BANK1: variants seen among roughly 807,000 people sequenced by gnomAD.
BANK1 encodes the protein B cell scaffold protein with ankyrin repeats 1.
BANK1 carries 95 observed loss-of-function variants against 94.5 expected under a neutral mutation model. That is an observed-to-expected ratio of 1.00 (90% CI 0.85 to 1.19). The LOEUF is 1.19. Among genes scored for constraint, BANK1 ranks in the 50% most tolerant of loss-of-function variants. The pLI is 0.00. For synonymous variants in BANK1, 334 were observed against 308.4 expected (o/e 1.08, Z -0.87); for missense variants, 987 against 932.2 (o/e 1.06, Z -0.77).
intron 1 of BANK1, among the ~76,000 whole-genome samples, chr4:101,810,995 G>A (rs754466254): frequency 6.6e-5 from 10 of 152,076 alleles, no homozygotes; most frequent in Non-Finnish European, 1.2e-4. Context: ...TTATCTCTAC[G>A]AATGAGGGAT....
intron 7 of BANK1, among the ~76,000 whole-genome samples, chr4:101,968,255 T>C (rs779821660): frequency 6.6e-6 from 1 of 152,052 alleles, no homozygotes; most frequent in African/African-American, 2.4e-5. Flanking sequence ...GAATGTTATA[T>C]GACAAATGTT....
intron 7 of BANK1, among the ~76,000 whole-genome samples, chr4:101,938,637 A>G (rs933538795): frequency 3.3e-5 from 5 of 151,650 alleles, no homozygotes; most frequent in African/African-American, 9.7e-5. Flanking sequence ...AAAAAACATA[A>G]CAACACATAT....
chr4:101,945,303 C>T (rs1723891794), intron 7 of BANK1, among the ~76,000 whole-genome samples: 1 of 151,784 alleles, frequency 6.6e-6, no homozygotes, highest in Non-Finnish European at 1.5e-5. Flanking sequence ...TTTTCCTTAT[C>T]ATTGCTCAGG....
Position 101,855,136 on chromosome 4 carries a change from T to G in BANK1, c.571T>G (p.Ser191Ala). 6.2e-7 allele frequency: 1 copy of G among 1,613,798 alleles called. No homozygotes were observed. The highest frequency in any genetic ancestry group is 8.5e-7 in the Non-Finnish European group (1 of 1,179,734). ...RKEIEELSEA[S>A]RNTIPLAVVL... ...GGAAATTGAAGAACTATCAGAAGCTTCAAGAAACACCATACCACTAGCAGT... is the reference window on the plus strand; with the variant it reads ...GGAAATTGAAGAACTATCAGAAGCTGCAAGAAACACCATACCACTAGCAGT... The change falls in exon 3 of 17, where the codon TCA becomes GCA. Residue 191 changes from serine to alanine, a missense_variant. Transcript: ENST00000322953.
intron 7 of BANK1, among the ~76,000 whole-genome samples, chr4:102,017,543 A>G (rs1366263015): frequency 6.6e-6 from 1 of 152,214 alleles, no homozygotes; most frequent in Admixed American, 6.5e-5. Flanking sequence ...AGCACAGGTC[A>G]GAATGAGAGA....
At chr4:101,850,110 T>C (rs1270260733) in intron 2 of BANK1, among the ~76,000 whole-genome samples, 2 of 152,182 alleles carry the variant, frequency 1.3e-5, no homozygotes, top group Admixed American at 1.3e-4. Context: ...TTTTTAAGGG[T>C]GTGTTCAGAA....
intron 1 of BANK1, among the ~76,000 whole-genome samples, chr4:101,826,332 G>T (rs58798528): frequency 2.6e-4 from 39 of 152,058 alleles, no homozygotes; most frequent in African/African-American, 8.7e-4. Flanking sequence ...CAGACTGCCC[G>T]CATTGGAGTC....
At chr4:101,814,014 T>A in intron 1 of BANK1, 1 of 544,932 alleles carries the variant, frequency 1.8e-6, no homozygotes, top group Non-Finnish European at 2.3e-6. Context: ...AATTTTGAGA[T>A]GATATTTCTT....
rs28496810 is a variant in BANK1, at chr4:101,910,070, C to G, written c.1010-7923C>G. Among the ~76,000 whole-genome samples the G allele has an allele frequency of 7.6e-4, 116 of 152,154 alleles. 1 individual carries two copies. The highest frequency in any genetic ancestry group is 2.7e-3 in the African/African-American group (112 of 41,504). On this transcript the variant is annotated intron_variant, in intron 6 of 16. Coordinates refer to ENST00000322953, the MANE Select transcript of BANK1 (RefSeq NM_017935.5). ...TTTTTTTTAGTTGTTAGAACCAAGC[C>G]CCTGTTCTTTCTTTTATTTAATGCC...
intron 5 of BANK1, among the ~76,000 whole-genome samples, chr4:101,893,349 C>T (rs1426041595): frequency 3.3e-5 from 5 of 151,870 alleles, no homozygotes; most frequent in Non-Finnish European, 7.4e-5. Flanking sequence ...CTAACTTATA[C>T]GTGAGTGTAA....
At chr4:101,931,768 C>T (rs1025892393) in intron 7 of BANK1, among the ~76,000 whole-genome samples, 5 of 151,280 alleles carry the variant, frequency 3.3e-5, no homozygotes, top group South Asian at 2.1e-4. Context: ...TTAATCATAT[C>T]GTGTTACAGT....
At chr4:101,968,455 C>T (rs975655304) in intron 7 of BANK1, among the ~76,000 whole-genome samples, 71 of 152,066 alleles carry the variant, frequency 4.7e-4, no homozygotes, top group African/African-American at 1.7e-3. Flanking sequence ...TTTGGGTCTA[C>T]ATAGAAAAAT....
At chr4:101,829,712 T>C (rs750631050) in intron 1 of BANK1, 96 bp from the exon 2 acceptor site, 81 of 682,444 alleles carry the variant, frequency 1.2e-4, no homozygotes, top group Non-Finnish European at 1.7e-4. Flanking sequence ...AGCAAATTAA[T>C]ATATTGCCTA....
chr4:101,807,671 T>C (rs1452059939), intron 1 of BANK1, among the ~76,000 whole-genome samples: 1 of 152,200 alleles, frequency 6.6e-6, no homozygotes, highest in Non-Finnish European at 1.5e-5. Context: ...TCTTCCTTAA[T>C]TCTCACACTG....
chr4:101,894,669 A>G (rs568440511), intron 5 of BANK1, among the ~76,000 whole-genome samples: 10 of 152,156 alleles, frequency 6.6e-5, no homozygotes, highest in African/African-American at 2.4e-4. Context: ...AGCATGACAT[A>G]AGACAACTTG....
intron 4 of BANK1, among the ~76,000 whole-genome samples, chr4:101,869,447 A>G (rs1728198944): frequency 6.6e-6 from 1 of 151,834 alleles, no homozygotes; most frequent in South Asian, 2.1e-4. Context: ...TTCTACATGC[A>G]TCTTCTTTGT....
At chr4:101,928,017 G>T (rs1190974331) in intron 7 of BANK1, among the ~76,000 whole-genome samples, 3 of 151,640 alleles carry the variant, frequency 2.0e-5, no homozygotes, top group African/African-American at 7.3e-5. Context: ...AGATAGGACA[G>T]ATAATCAAAT....
intron 4 of BANK1, among the ~76,000 whole-genome samples, chr4:101,869,134 A>G (rs938268178): frequency 6.6e-6 from 1 of 151,812 alleles, no homozygotes; most frequent in African/African-American, 2.4e-5. Flanking sequence ...TTCATTACCG[A>G]TTTTCTTTCA....
chr4:101,986,315 C>T (rs1725480503), intron 7 of BANK1, among the ~76,000 whole-genome samples: 1 of 152,038 alleles, frequency 6.6e-6, no homozygotes, highest in Non-Finnish European at 1.5e-5. Flanking sequence ...TTCTTAATTA[C>T]ATTCCTGCTA....
Sources: allele counts gnomAD v4.1 joint callset (sites outside exome capture counted in the v4.1 genomes callset), GRCh38; gene constraint gnomAD v4.1.1; transcripts MANE v1.5; gene names NCBI Gene and HGNC (gene_info 2026-07-23, HGNC 2026-07-21).